The following TM9SF1 variants were observed in gnomAD, a reference collection of about 807,000 sequenced individuals.
TM9SF1 encodes transmembrane 9 superfamily member 1.
TM9SF1 carries 25 observed loss-of-function variants against 52.4 expected under a neutral mutation model. The observed-to-expected ratio is 0.48, with a 90% confidence interval of 0.35 to 0.67. The LOEUF is 0.67. TM9SF1 is among the 30% of genes least tolerant of loss of function. TM9SF1 has a pLI of 0.01. For missense variants in TM9SF1, 604 were observed against 780.3 expected, an observed-to-expected ratio of 0.77 and a Z score of 2.69; for synonymous variants, 284 against 299.8, an observed-to-expected ratio of 0.95 and a Z score of 0.55.
intron 4 of TM9SF1, among the ~76,000 whole-genome samples, 176 bp from the exon 5 acceptor site, chr14:24,190,829 G>A (rs1204962669): frequency 6.8e-6 from 1 of 146,642 alleles, no homozygotes; most frequent in Non-Finnish European, 1.5e-5. Context: ...ACCCTTTCAG[G>A]TCCCATTATT....
intron 4 of TM9SF1, among the ~76,000 whole-genome samples, chr14:24,191,111 T>G (rs2039317632): frequency 6.6e-6 from 1 of 152,112 alleles, no homozygotes; most frequent in Non-Finnish European, 1.5e-5. Context: ...GTGATCTGCC[T>G]GCCTCAGCCT....
chr14:24,190,091 T>C (rs2039294239), intron 5 of TM9SF1: 1 of 1,359,276 alleles, frequency 7.4e-7, no homozygotes, highest in Admixed American at 3.3e-5. Flanking sequence ...TTCAACAAAG[T>C]AAATGGGTCA....
intron 4 of TM9SF1, among the ~76,000 whole-genome samples, chr14:24,191,144 C>A (rs2039318335): frequency 6.6e-6 from 1 of 152,156 alleles, no homozygotes; most frequent in Admixed American, 6.5e-5. Context: ...GGATTACAGG[C>A]ATGAGCCACC....
chr14:24,190,671 C>T lies in TM9SF1; in HGVS notation c.1154-18G>A. ...GAAAGGCACTGCAGGGATGGGCCCC[C>T]GGAGGGAGGGTCAACACTAGGAGCT... is the stretch of plus-strand genomic sequence containing the variant. On this transcript the variant is annotated intron_variant, in intron 4 of 5. Coordinates refer to ENST00000261789, the MANE Select transcript of TM9SF1 (RefSeq NM_006405.7). 3.8e-6 allele frequency: 6 copies of T among 1,593,486 alleles called. No individual in the cohort carries two copies. Among genetic ancestry groups the T allele is most frequent in the Non-Finnish European group, 5.1e-6 (6 of 1,167,608 alleles).
intron 2 of TM9SF1, among the ~76,000 whole-genome samples, chr14:24,193,914 T>C (rs1336458996): frequency 2.7e-5 from 4 of 148,764 alleles, no homozygotes; most frequent in African/African-American, 5.0e-5. Flanking sequence ...AGCAAGACTC[T>C]GTCTCAAAAA....
At chr14:24,191,221 G>C (rs2039319301) in intron 4 of TM9SF1, among the ~76,000 whole-genome samples, 1 of 152,174 alleles carries the variant, frequency 6.6e-6, no homozygotes, top group Non-Finnish European at 1.5e-5. Flanking sequence ...TAAGGATCCA[G>C]GTAGCTACTA....
chr14:24,193,477 C>A (rs1172129040), intron 2 of TM9SF1, among the ~76,000 whole-genome samples: 1 of 151,948 alleles, frequency 6.6e-6, no homozygotes, highest in African/African-American at 2.4e-5. Flanking sequence ...AGCAATTCTC[C>A]TGCCTCAGCC....
intron 5 of TM9SF1, 35 bp from the exon 6 acceptor site, chr14:24,189,843 G>A (rs1261842062): frequency 2.6e-6 from 4 of 1,559,112 alleles, no homozygotes; most frequent in African/African-American, 1.4e-5. Context: ...AGCATTAAAG[G>A]GCTGTGCACC....
chr14:24,190,417 C>G lies in TM9SF1; in HGVS notation c.1390G>C (p.Val464Leu). Residue 464 changes from valine to leucine, a missense_variant, in exon 5 of 6, where the codon GTC becomes CTC. This residue lies in a region of TM9SF1 where 107 missense variants were observed against 180.5 expected (regional missense o/e 0.59). Coordinates refer to ENST00000261789, the MANE Select transcript of TM9SF1 (RefSeq NM_006405.7). ...IPPQPWYKST[V>L]IHMTVGGFLP... ...AAGCCTCCAACAGTCATGTGGATGA[C>G]AGTAGACTTGTACCAGGGCTGGGGT... is the stretch of plus-strand genomic sequence containing the variant. 6.2e-7 allele frequency: 1 copy of G among 1,608,614 alleles called. No individual in the cohort carries two copies. The highest frequency in any genetic ancestry group is 1.3e-5 in the African/African-American group (1 of 74,966).
In TM9SF1 at chr14:24,192,149, C is replaced by T; in HGVS notation, c.1153+22G>A. On this transcript the variant is annotated intron_variant, in intron 4 of 5. Transcript: ENST00000261789. The surrounding 1 kb of genome is among the most constrained non-coding windows in gnomAD (Gnocchi z 4.0). Reference sequence around the variant, plus strand: ...TCATTCCTAAGTCCAGAAAGGCCCACCAGGGAAAGGAAAGTCCTCACCAGA... The same window carrying T: ...TCATTCCTAAGTCCAGAAAGGCCCATCAGGGAAAGGAAAGTCCTCACCAGA... 1.2e-6 allele frequency: 2 copies of T among 1,612,754 alleles called. No individual in the cohort carries two copies. Among genetic ancestry groups the T allele is most frequent in the East Asian group, 2.2e-5 (1 of 44,864 alleles).
chr14:24,193,233 A>G lies in TM9SF1; in HGVS notation c.382T>C (p.Tyr128His). 1 of 1,611,864 alleles carries G rather than the reference A, an allele frequency of 6.2e-7. No homozygotes were observed. The highest frequency in any genetic ancestry group is 8.5e-7 in the Non-Finnish European group (1 of 1,178,418). ...QLRQAIEELY[Y>H]FEFVVDDLPI... ...AAGTCATCTACCACAAATTCAAAGTAGTACAGTTCTTCAATGGCCTGGCGC... is the reference window on the plus strand; with the variant it reads ...AAGTCATCTACCACAAATTCAAAGTGGTACAGTTCTTCAATGGCCTGGCGC... Residue 128 changes from tyrosine (Y) to histidine (H), a missense_variant, in exon 3 of 6, where the codon TAC (tyrosine) becomes CAC (histidine). Tyr to His is a moderately conservative substitution (Grantham distance 83). Around this residue, in one of 3 missense-constraint regions of TM9SF1, gnomAD observed 450 missense variants for 560.1 expected, o/e 0.80. Coordinates refer to ENST00000261789, the MANE Select transcript of TM9SF1 (RefSeq NM_006405.7).
intron 5 of TM9SF1, 61 bp downstream of exon 5, chr14:24,190,319 G>A: frequency 2.0e-6 from 3 of 1,530,880 alleles, no homozygotes; most frequent in Non-Finnish European, 2.6e-6. Flanking sequence ...GGATGAGTAG[G>A]GACAGGAAAA....
intron 2 of TM9SF1, among the ~76,000 whole-genome samples, chr14:24,193,849 G>A (rs2039359357): frequency 6.6e-6 from 1 of 151,874 alleles, no homozygotes; most frequent in African/African-American, 2.4e-5. Context: ...GAACCCGGGA[G>A]GTGGAGCTTG....
At position 24,192,156 on chromosome 14, in the gene TM9SF1, A is replaced by G; in HGVS notation, c.1153+15T>C. On this transcript the variant is annotated intron_variant, in intron 4 of 5. Coordinates refer to ENST00000261789, the MANE Select transcript of TM9SF1 (RefSeq NM_006405.7). The surrounding 1 kb of genome is among the most constrained non-coding windows in gnomAD (Gnocchi z 4.0). ...TAAGTCCAGAAAGGCCCACCAGGGA[A>G]AGGAAAGTCCTCACCAGAGAAGAGA... is the stretch of plus-strand genomic sequence containing the variant. 1 of 1,613,208 alleles carries G rather than the reference A, an allele frequency of 6.2e-7. No individual in the cohort carries two copies. Among genetic ancestry groups the G allele is most frequent in the Non-Finnish European group, 8.5e-7 (1 of 1,179,196 alleles).
Position 24,192,620 on chromosome 14 carries a change from A to G in TM9SF1, c.967+28T>C. The G allele has an allele frequency of 6.5e-7, 1 of 1,534,594 alleles. No homozygotes were observed. The highest frequency in any genetic ancestry group is 8.7e-7 in the Non-Finnish European group (1 of 1,143,234). On this transcript the variant is annotated intron_variant, in intron 3 of 5. Coordinates refer to ENST00000261789, the MANE Select transcript of TM9SF1 (RefSeq NM_006405.7). This position sits in a 1 kb window ranked among gnomAD's most constrained non-coding sequence, Gnocchi z 4.0. ...CTACCTAGTTCTATCCCATGAGATA[A>G]ATCCCCAATTCATTTTTATCACCTC...
In TM9SF1 at chr14:24,192,003, GGTC is replaced by G; in HGVS notation, c.1153+165_1153+167del. 2 of 669,810 alleles carry G rather than the reference GGTC, an allele frequency of 3.0e-6. No individual in the cohort carries two copies. Among genetic ancestry groups the G allele is most frequent in the Non-Finnish European group, 5.3e-6 (2 of 378,394 alleles). 41.5% of individuals were successfully genotyped at this position (669,810 alleles called of 1,614,324 possible). The stretch of plus-strand genomic sequence containing the variant: ...GGCTAATTTTTTGTTATAGAGAGAG[GGTC>G]TCACTATGTTGTCTAGGCTTGTCTC... On this transcript the variant is annotated intron_variant, in intron 4 of 5. Transcript: ENST00000261789. The surrounding 1 kb of genome is among the most constrained non-coding windows in gnomAD (Gnocchi z 4.0).
chr14:24,190,213 A>T, intron 5 of TM9SF1, 167 bp downstream of exon 5: 2 of 1,455,432 alleles, frequency 1.4e-6, no homozygotes, highest in Non-Finnish European at 1.8e-6. Context: ...CTCTCATATC[A>T]TTCAAGCTCA....
At position 24,194,675 on chromosome 14, in the gene TM9SF1, C is replaced by T. The variant is rs2039371319; in HGVS notation, c.345G>A (p.Gln115=). 6.2e-7 allele frequency: 1 copy of T among 1,613,096 alleles called. No individual in the cohort carries two copies. Among genetic ancestry groups the T allele is most frequent in the Admixed American group, 1.7e-5 (1 of 59,980 alleles). Residue 115 remains glutamine (Q), a splice_region_variant and synonymous_variant, in exon 2 of 6, where the codon CAG becomes CAA. Transcript: ENST00000261789. ...ILCHMQLSSA[Q]VEQLRQAIEE... is the part of the protein sequence containing the mutation. Reference sequence around the variant, plus strand: ...TGATAGCCAATGTGGAGAGGCTGACCTGTGCAGAACTGAGCTGCATGTGGC... The same window carrying T: ...TGATAGCCAATGTGGAGAGGCTGACTTGTGCAGAACTGAGCTGCATGTGGC...
rs760979678 is a variant in TM9SF1 at position 24,189,741 on chromosome 14, C to T, written c.1495G>A (p.Gly499Ser). 3.7e-6 allele frequency: 6 copies of T among 1,614,006 alleles called. No individual in the cohort carries two copies. Among genetic ancestry groups the T allele is most frequent in the East Asian group, 2.2e-5 (1 of 44,892 alleles). Reference protein sequence around the residue: ...VWGREQYTLYGILFFVFAILL... With the variant: ...VWGREQYTLYSILFFVFAILL... Reference sequence around the variant, plus strand: ...ATGGCGAAGACAAAGAAGAGGATGCCGTACAAAGTGTACTGCTCCCGACCC... The same window carrying T: ...ATGGCGAAGACAAAGAAGAGGATGCTGTACAAAGTGTACTGCTCCCGACCC... Residue 499 changes from glycine to serine, a missense_variant, in exon 6 of 6, where the codon GGC (glycine) becomes AGC (serine). By Grantham distance (56) the Gly-to-Ser change is moderately conservative. Transcript: ENST00000261789.
Sources: gnomAD v4.1 joint callset for allele counts (sites outside exome capture counted in the v4.1 genomes callset) on GRCh38, gnomAD v4.1.1 for gene constraint, gnomAD v4.1.1 regional missense constraint, Gnocchi (gnomAD v3.1) non-coding constraint, MANE v1.5 for transcripts, NCBI Gene and HGNC (gene_info 2026-07-23, HGNC 2026-07-21) for gene names.